Variants in PCSK6 observed in about 807,000 individuals in gnomAD.
PCSK6 encodes proprotein convertase subtilisin/kexin type 6.
Under a neutral mutation model 123.3 loss-of-function variants are expected in PCSK6, and 85 were observed. That is an observed-to-expected ratio of 0.69 (90% CI 0.58 to 0.83). The LOEUF is 0.83. PCSK6 is among the 40% of genes least tolerant of loss of function. PCSK6 has a pLI of 0.00. For synonymous variants in PCSK6, 508 were observed against 516.0 expected, an observed-to-expected ratio of 0.98 and a Z score of 0.21; for missense variants, 1,191 against 1,282.3, an observed-to-expected ratio of 0.93 and a Z score of 1.09.
intron 1 of PCSK6, among the ~76,000 whole-genome samples, chr15:101,482,463 C>A (rs370855157): frequency 6.6e-6 from 1 of 152,278 alleles, no homozygotes; most frequent in East Asian, 1.9e-4. Flanking sequence ...GGAGAGGTGT[C>A]GGCAGCCTGG....
intron 1 of PCSK6, among the ~76,000 whole-genome samples, chr15:101,486,986 C>A (rs1459315249): frequency 6.6e-6 from 1 of 152,202 alleles, no homozygotes; most frequent in Non-Finnish European, 1.5e-5. Context: ...TACTTCACCC[C>A]CATTTACTCA....
At chr15:101,476,785 C>T (rs2057742432) in intron 1 of PCSK6, among the ~76,000 whole-genome samples, 1 of 152,110 alleles carries the variant, frequency 6.6e-6, no homozygotes, top group Non-Finnish European at 1.5e-5. Context: ...TTATATAATA[C>T]TCTAAATTTA....
intron 6 of PCSK6, among the ~76,000 whole-genome samples, chr15:101,416,317 G>A (rs1044428779): frequency 2.0e-5 from 3 of 152,352 alleles, no homozygotes; most frequent in East Asian, 1.9e-4. Flanking sequence ...TTGAACTTGA[G>A]AAAGATGATT....
Position 101,489,446 on chromosome 15 carries a change from CG to C in PCSK6, c.224del (p.Ala75GlyfsTer46). 1 of 1,217,046 alleles carries C rather than the reference CG, an allele frequency of 8.2e-7. No homozygotes were observed. The highest frequency in any genetic ancestry group is 1.0e-6 in the Non-Finnish European group (1 of 969,262). 75.4% of individuals were successfully genotyped at this position (1,217,046 alleles called of 1,614,324 possible). On this transcript the variant is annotated frameshift_variant, in exon 1 of 22. Coordinates refer to ENST00000611716, the MANE Select transcript of PCSK6 (RefSeq NM_002570.5). LOFTEE classifies it high-confidence loss of function. ...PPRPVYTNHWAVQVLGGPAEA... is the reference protein window; with the variant it reads ...PPRPVYTNHWXVQVLGGPAEA... The stretch of plus-strand genomic sequence containing the variant: ...CGGCCGGGCCGCCCAGCACTTGCAC[CG>C]CCCAGTGGTTGGTGTAGACGGGGCG...
chr15:101,463,694 G>A (rs2057389646), intron 1 of PCSK6, among the ~76,000 whole-genome samples: 1 of 152,112 alleles, frequency 6.6e-6, no homozygotes, highest in South Asian at 2.1e-4. Flanking sequence ...TGTGAATAAG[G>A]ATAATCCACA....
rs146690090 is a variant in PCSK6, at chr15:101,430,042, C to G, written c.679G>C (p.Val227Leu). 3.1e-6 allele frequency: 5 copies of G among 1,613,830 alleles called. No homozygotes were observed. Among genetic ancestry groups the G allele is most frequent in the Non-Finnish European group, 4.2e-6 (5 of 1,179,770 alleles). The change falls in exon 5 of 22, where the codon GTG becomes CTG. Residue 227 changes from valine (V) to leucine (L), a missense_variant. Physicochemically the swap from Val to Leu is conservative, Grantham distance 32. Transcript: ENST00000611716. ...PNYDSYASYD[V>L]NGNDYDPSPR... ...GATGGGTCATAATCATTGCCGTTCA[C>G]GTCGTAGCTGGCGTAGGAATCCTAA...
chr15:101,382,737 C>T (rs1425335665), intron 10 of PCSK6, among the ~76,000 whole-genome samples: 1 of 152,136 alleles, frequency 6.6e-6, no homozygotes, highest in African/African-American at 2.4e-5. Context: ...CGAACTGGCC[C>T]GGTCCAGTAT....
In PCSK6 at chr15:101,392,245, GGT is replaced by G. The variant is rs1287974257; in HGVS notation, c.1209+965_1209+966del. 2.0e-5 allele frequency among the ~76,000 whole-genome samples: 3 copies of G among 152,274 alleles called. No homozygotes were observed. In the South Asian group the frequency reaches 6.2e-4, roughly 32 times the overall value. Reference sequence around the variant, plus strand: ...CAGCATCTCAGCTGCCCGTCCCAGGGGTGCGTACTCCAGCAGAAAAGGAAAAT... The same window carrying G: ...CAGCATCTCAGCTGCCCGTCCCAGGGGCGTACTCCAGCAGAAAAGGAAAAT... On this transcript the variant is annotated intron_variant, in intron 8 of 21. Transcript: ENST00000611716.
intron 6 of PCSK6, among the ~76,000 whole-genome samples, chr15:101,417,285 T>G (rs4965854): frequency 1.3e-5 from 2 of 151,960 alleles, no homozygotes; most frequent in Non-Finnish European, 2.9e-5. Context: ...TCAATTAAAT[T>G]TCTTTTTGTT....
At chr15:101,453,169 C>T (rs1458025365) in intron 1 of PCSK6, among the ~76,000 whole-genome samples, 1 of 152,188 alleles carries the variant, frequency 6.6e-6, no homozygotes, top group Non-Finnish European at 1.5e-5. Context: ...TCCTTCCTCC[C>T]ATCAAAGGAG....
Position 101,375,773 on chromosome 15 carries a change from G to A in PCSK6, c.1533-5250C>T, listed in dbSNP as rs575752798. 1.2e-4 allele frequency among the ~76,000 whole-genome samples: 18 copies of A among 152,298 alleles called. No individual in the cohort carries two copies. In the South Asian group the frequency reaches 3.3e-3, roughly 28 times the overall value. ...TTTCTGGCCAGGTGTGGTGGCTCAC[G>A]GCTGCAATCCCAGCACTTTGAGAGG... is the stretch of plus-strand genomic sequence containing the variant. On this transcript the variant is annotated intron_variant, in intron 11 of 21. Transcript: ENST00000611716.
chr15:101,458,273 CCA>C (rs2057242857), intron 1 of PCSK6, among the ~76,000 whole-genome samples: 1 of 152,218 alleles, frequency 6.6e-6, no homozygotes, highest in African/African-American at 2.4e-5. Flanking sequence ...AAACCCAACT[CCA>C]GTGCTGTGTG....
At chr15:101,406,644 T>C (rs1297188986) in intron 6 of PCSK6, among the ~76,000 whole-genome samples, 1 of 150,402 alleles carries the variant, frequency 6.6e-6, no homozygotes, top group Non-Finnish European at 1.5e-5. Flanking sequence ...CCTAAGACAA[T>C]AGACACGGCT....
intron 13 of PCSK6, among the ~76,000 whole-genome samples, chr15:101,341,939 G>A (rs548762558): frequency 6.6e-5 from 10 of 151,972 alleles, no homozygotes; most frequent in Admixed American, 2.0e-4. Context: ...AGACCAGTCC[G>A]GCCAACATGG....
At chr15:101,431,693 C>T (rs1261962691) in intron 3 of PCSK6, among the ~76,000 whole-genome samples, 1 of 152,246 alleles carries the variant, frequency 6.6e-6, no homozygotes, top group Admixed American at 6.5e-5. Flanking sequence ...AGGGCATCGC[C>T]TCCCAGCAGG....
intron 18 of PCSK6, among the ~76,000 whole-genome samples, chr15:101,319,600 C>T (rs542309051): frequency 1.1e-4 from 17 of 152,288 alleles, no homozygotes; most frequent in Admixed American, 3.3e-4. Flanking sequence ...TCTGACTTCC[C>T]TCCTGGGAGG....
chr15:101,462,975 G>T, intron 1 of PCSK6: 2 of 455,310 alleles, frequency 4.4e-6, no homozygotes, highest in South Asian at 3.1e-5. Flanking sequence ...GGAAGGCTTT[G>T]TGCAGAGGAG....
In PCSK6 at chr15:101,438,206, C is replaced by T. The variant is rs147757509; in HGVS notation, c.402+5350G>A. Among the ~76,000 whole-genome samples the T allele has an allele frequency of 3.3e-5, 5 of 152,368 alleles. No homozygotes were observed. In the East Asian group the frequency reaches 7.7e-4, roughly 23 times the overall value. On this transcript the variant is annotated intron_variant, in intron 2 of 21. Coordinates refer to ENST00000611716, the MANE Select transcript of PCSK6 (RefSeq NM_002570.5). ...CCGCAGACTAACAAACTATGAGGTCCAACACTGCTCAACGTGTCTGACATG... is the reference window on the plus strand; with the variant it reads ...CCGCAGACTAACAAACTATGAGGTCTAACACTGCTCAACGTGTCTGACATG...
intron 1 of PCSK6, among the ~76,000 whole-genome samples, chr15:101,474,659 A>G (rs1035337611): frequency 3.3e-5 from 5 of 151,832 alleles, no homozygotes; most frequent in African/African-American, 1.2e-4. Flanking sequence ...CCTCTGACCC[A>G]CTCTCCACCA....
Sources: allele counts gnomAD v4.1 joint callset (sites outside exome capture counted in the v4.1 genomes callset), GRCh38; gene constraint gnomAD v4.1.1; transcripts MANE v1.5; gene names NCBI Gene and HGNC (gene_info 2026-07-23, HGNC 2026-07-21).